Variants in TRPC5 observed in about 807,000 individuals in gnomAD.
TRPC5 encodes the protein transient receptor potential cation channel subfamily C member 5.
In TRPC5, 9 loss-of-function variants were observed where a neutral mutation model predicts 56.5. That is an observed-to-expected ratio of 0.16 (90% CI 0.10 to 0.28). The LOEUF (loss-of-function observed/expected upper bound fraction) is 0.28, where lower values mean the gene tolerates loss of function less well. Among genes scored for constraint, TRPC5 ranks in the 10% least tolerant of loss-of-function variants. The probability of loss-of-function intolerance (pLI) is 1.00; values close to 1 mark genes in which losing one functional copy is unlikely to be tolerated. For missense variants in TRPC5, 469 were observed against 748.9 expected (o/e 0.63, Z 4.36); for synonymous variants, 282 against 278.5 (o/e 1.01, Z -0.13).
chrX:111,856,970 C>T (rs1306783257), intron 3 of TRPC5, among the ~76,000 whole-genome samples: 2 of 111,055 alleles, frequency 1.8e-5, no homozygotes, highest in African/African-American at 6.6e-5. Flanking sequence ...ACAAGTTCTA[C>T]TCTGTTTTTT....
chrX:111,823,730 G>A (rs1445763765), intron 7 of TRPC5, among the ~76,000 whole-genome samples: 2 of 110,949 alleles, frequency 1.8e-5, no homozygotes, highest in African/African-American at 3.3e-5. Context: ...AGAACCAAGG[G>A]AAAGGCTCCT....
intron 9 of TRPC5, among the ~76,000 whole-genome samples, chrX:111,780,400 T>C (rs944951812): frequency 1.5e-4 from 17 of 111,483 alleles, no homozygotes; most frequent in African/African-American, 4.9e-4. Context: ...TTTTACTTCA[T>C]TGAGGTTAGT....
intron 1 of TRPC5, among the ~76,000 whole-genome samples, chrX:112,054,986 G>T (rs774622376): frequency 2.9e-4 from 32 of 111,618 alleles, no homozygotes; most frequent in African/African-American, 1.0e-3. Flanking sequence ...TGAACAATAT[G>T]GGAAGGATCC....
rs192710874 is a variant in TRPC5, at chrX:111,912,351, G to A, written c.840C>T (p.Asp280=). 5.2e-5 allele frequency: 63 copies of A among 1,208,258 alleles called. No individual in the cohort carries two copies. In the African/African-American group the frequency reaches 9.3e-4, roughly 18 times the overall value. ...NHRDDHSEEL[D]PQKYHDLAKL... The stretch of plus-strand genomic sequence containing the variant: ...TGGCCAGGTCATGGTACTTCTGAGG[G>A]TCAAGCTCTTCACTGTGGTCATCTC... Residue 280 remains aspartate, a synonymous_variant, in exon 3 of 11, where the codon GAC becomes GAT. Transcript: ENST00000262839.
chrX:111,995,301 C>T (rs1045013128), intron 1 of TRPC5, among the ~76,000 whole-genome samples: 1 of 111,873 alleles, frequency 8.9e-6, no homozygotes, highest in Non-Finnish European at 1.9e-5. Flanking sequence ...ACCCTTGCAT[C>T]CTAGGGATGA....
chrX:111,964,026 G>T (rs1195997298), intron 1 of TRPC5, among the ~76,000 whole-genome samples: 1 of 111,634 alleles, frequency 9.0e-6, no homozygotes, highest in Non-Finnish European at 1.9e-5. Context: ...AAACTACTCC[G>T]AGCTACAGGA....
intron 7 of TRPC5, among the ~76,000 whole-genome samples, chrX:111,797,068 A>AGTCT (rs993941699): frequency 2.7e-5 from 3 of 112,344 alleles, no homozygotes; most frequent in Middle Eastern, 4.6e-3. Flanking sequence ...GTGAACATTC[A>AGTCT]GTCTGTCAGT....
chrX:111,863,321 GT>G (rs1923458528), intron 3 of TRPC5, among the ~76,000 whole-genome samples: 1 of 112,045 alleles, frequency 8.9e-6, no homozygotes, highest in African/African-American at 3.2e-5. Context: ...CTTTCTTAAA[GT>G]TTTAGTTTGA....
At chrX:112,049,434 C>T (rs7878779) in intron 1 of TRPC5, among the ~76,000 whole-genome samples, 18,056 of 95,186 alleles carry the variant, frequency 0.19, 1,738 homozygotes, top group African/African-American at 0.43. Context: ...CATATATATA[C>T]ACACACACAC....
chrX:111,952,864 G>A (rs1327548113), intron 1 of TRPC5, among the ~76,000 whole-genome samples: 1 of 111,667 alleles, frequency 9.0e-6, no homozygotes, highest in Admixed American at 9.5e-5. Flanking sequence ...AAAGCAACTG[G>A]CATAGGGTAA....
chrX:111,869,837 G>T (rs747184150), intron 3 of TRPC5, among the ~76,000 whole-genome samples: 6 of 111,359 alleles, frequency 5.4e-5, no homozygotes. Context: ...GTGTTGGAAA[G>T]CTTCTTACCA....
intron 3 of TRPC5, among the ~76,000 whole-genome samples, chrX:111,909,370 AT>A (rs895259560): frequency 4.9e-4 from 53 of 108,925 alleles, no homozygotes; most frequent in African/African-American, 1.5e-3. Flanking sequence ...TAATTAATTA[AT>A]TTTTTAAGTG....
rs181426901 is a variant in TRPC5, at chrX:112,038,225, C to T, written c.-22+43654G>A. ...TAGAGTTTTCTGGTGTAGAAATTTA[C>T]GTCGTTACATTTCAACAAGTTTTAA... On this transcript the variant is annotated intron_variant, in intron 1 of 10. Coordinates refer to ENST00000262839, the MANE Select transcript of TRPC5 (RefSeq NM_012471.3). 3.3e-3 allele frequency among the ~76,000 whole-genome samples: 365 copies of T among 111,843 alleles called. 3 individuals carry two copies. Among genetic ancestry groups the T allele is most frequent in the Non-Finnish European group, 5.5e-3 (294 of 53,141 alleles).
rs1603020085 is a variant in TRPC5 at position 111,770,331 on chromosome X, C to G, written c.*5982G>C. Among the ~76,000 whole-genome samples the G allele has an allele frequency of 9.0e-6, 1 of 111,461 alleles. No homozygotes were observed. The highest frequency in any genetic ancestry group is 2.8e-4 in the East Asian group (1 of 3,534). On this transcript the variant is annotated 3_prime_UTR_variant, in exon 11 of 11. Transcript: ENST00000262839. ...TGCATTATGGGTGTGGTGTGTTGAA[C>G]TTATATTTACAGTGATCCCAAGGTT...
chrX:111,776,749 G>A lies in TRPC5; in HGVS notation c.2486C>T (p.Ala829Val), dbSNP rs781150815. The A allele has an allele frequency of 1.7e-6, 2 of 1,211,213 alleles. No homozygotes were observed. Among genetic ancestry groups the A allele is most frequent in the East Asian group, 5.9e-5 (2 of 33,823 alleles). The change falls in exon 11 of 11, where the codon GCT becomes GTT. Residue 829 changes from alanine (A) to valine (V), a missense_variant. This residue lies in a region of TRPC5 where 194 missense variants were observed against 221.8 expected (regional missense o/e 0.87). Transcript: ENST00000262839. The part of the protein sequence containing the change: ...RSSGAQGKSK[A>V]ESSSKRSFMG... ...GAAGGAGCGTTTGCTTGATGACTCA[G>A]CTTTTGACTTTCCTTGGGCACCACT...
chrX:111,930,672 C>T (rs913024612), intron 2 of TRPC5: 1 of 111,745 alleles, frequency 8.9e-6, no homozygotes, highest in Admixed American at 9.5e-5. Flanking sequence ...GGACATATTC[C>T]TTGGCTCTTC....
intron 3 of TRPC5, among the ~76,000 whole-genome samples, chrX:111,875,572 C>CTTTTTTTTTTTTTTTT (rs771241425): frequency 1.4e-5 from 1 of 70,491 alleles, no homozygotes; most frequent in African/African-American, 5.8e-5. Context: ...TTTTTTCTTT[C>CTTTTTTTTTTTTTTTT]TTTTTTTTTT....
chrX:112,070,300 A>G (rs192966301), intron 1 of TRPC5, among the ~76,000 whole-genome samples: 81 of 111,660 alleles, frequency 7.3e-4, no homozygotes, highest in African/African-American at 2.6e-3. Flanking sequence ...GTTTTTCAGC[A>G]CTTCTAGAGT....
At chrX:111,986,438 T>C (rs1005506004) in intron 1 of TRPC5, among the ~76,000 whole-genome samples, 1 of 110,619 alleles carries the variant, frequency 9.0e-6, no homozygotes, top group African/African-American at 3.3e-5. Flanking sequence ...TCATGGTTTG[T>C]ACCTCACTTT....
Sources: allele counts gnomAD v4.1 joint callset (sites outside exome capture counted in the v4.1 genomes callset), GRCh38; gene constraint gnomAD v4.1.1; regional missense constraint gnomAD v4.1.1; transcripts MANE v1.5; gene names NCBI Gene and HGNC (gene_info 2026-07-23, HGNC 2026-07-21).